Variants in CHEK2 observed in about 807,000 individuals in gnomAD.
The protein encoded by CHEK2 is serine/threonine-protein kinase Chk2.
CHEK2 carries 71 observed loss-of-function variants against 69.1 expected under a neutral mutation model. The observed-to-expected ratio is 1.03, with a 90% confidence interval of 0.85 to 1.25. CHEK2 has a LOEUF of 1.25. CHEK2 is among the 50% of genes most tolerant of loss of function. The pLI, the probability that CHEK2 is intolerant of heterozygous loss-of-function variation, is 0.00. For missense variants in CHEK2, 664 were observed against 649.6 expected, an observed-to-expected ratio of 1.02 and a Z score of -0.24; for synonymous variants, 189 against 226.9, an observed-to-expected ratio of 0.83 and a Z score of 1.50.
chr22:28,741,196 T>C (rs999501396), intron 1 of CHEK2, among the ~76,000 whole-genome samples: 1 of 150,590 alleles, frequency 6.6e-6, no homozygotes, highest in African/African-American at 2.4e-5. Context: ...ATCATATATG[T>C]ATACTTTATA....
At position 28,687,938 on chromosome 22, in the gene CHEK2, C is replaced by T. The variant is rs587781710; in HGVS notation, c.1591G>A (p.Glu531Lys). The T allele has an allele frequency of 1.0e-5, 16 of 1,596,264 alleles. No individual in the cohort carries two copies. The highest frequency in any genetic ancestry group is 5.5e-5 in the South Asian group (5 of 90,992). ...CACACAGCTGGGCGCTTTGTGGTCT[C>T]GGCACCCTCGGCTTCCCCTTCACGG... Reference protein sequence around the residue: ...RPREGEAEGAETTKRPAVCAA... With the variant: ...RPREGEAEGAKTTKRPAVCAA... The change falls in exon 15 of 15, where the codon GAG becomes AAG. Residue 531 changes from glutamate (E) to lysine (K), a missense_variant. Physicochemically the swap from Glu to Lys is moderately conservative, Grantham distance 56 (BLOSUM62 1). Coordinates refer to ENST00000404276, the MANE Select transcript of CHEK2 (RefSeq NM_007194.4).
At chr22:28,725,398 G>A (rs771849178) in intron 2 of CHEK2, 31 bp from the exon 3 acceptor site, 1 of 1,613,782 alleles carries the variant, frequency 6.2e-7, no homozygotes, top group East Asian at 2.2e-5. Context: ...TCAGAGGGCT[G>A]TTGAATTTCA....
At chr22:28,696,292 G>C (rs1385585259) in intron 10 of CHEK2, among the ~76,000 whole-genome samples, 2 of 152,086 alleles carry the variant, frequency 1.3e-5, no homozygotes, top group Non-Finnish European at 2.9e-5. Context: ...GTAAAGCCTG[G>C]GTGTCATAAA....
rs545142849 is a variant in CHEK2 at position 28,708,782 on chromosome 22, T to C, written c.846+1224A>G. ...ATAGAGACCATCCTGGCTAACATGG[T>C]GAAACCCCCTCTCTACTAAAAATAC... On this transcript the variant is annotated intron_variant, in intron 7 of 14. Coordinates refer to ENST00000404276, the MANE Select transcript of CHEK2 (RefSeq NM_007194.4). 1.2e-3 allele frequency: 257 copies of C among 205,742 alleles called. 1 individual carries two copies. The highest frequency in any genetic ancestry group is 2.1e-3 in the Non-Finnish European group (205 of 99,672). The allele number at this position is 205,742 out of a possible 1,614,324, so 12.7% of individuals were successfully genotyped here.
intron 8 of CHEK2, among the ~76,000 whole-genome samples, chr22:28,701,776 A>C (rs2052859723): frequency 1.3e-5 from 2 of 152,146 alleles, no homozygotes; most frequent in South Asian, 4.1e-4. Context: ...TCCTGGATTG[A>C]AAGGACCCGC....
At chr22:28,738,511 T>A (rs2054477381) in intron 1 of CHEK2, among the ~76,000 whole-genome samples, 1 of 152,122 alleles carries the variant, frequency 6.6e-6, no homozygotes, top group African/African-American at 2.4e-5. Context: ...AGACAGACCA[T>A]GAGGATTAAG....
intron 12 of CHEK2, among the ~76,000 whole-genome samples, chr22:28,694,662 C>T (rs1013417946): frequency 1.3e-5 from 2 of 152,222 alleles, no homozygotes; most frequent in Admixed American, 6.5e-5. Flanking sequence ...TTTCTACTTT[C>T]TCTTCAGGGA....
chr22:28,713,681 CTT>C (rs2053488948), intron 5 of CHEK2, among the ~76,000 whole-genome samples: 1 of 145,558 alleles, frequency 6.9e-6, no homozygotes, highest in African/African-American at 2.6e-5. Context: ...TGTCTGAACA[CTT>C]GTTTGCTTTT....
At chr22:28,734,867 A>C in intron 1 of CHEK2, 140 bp from the exon 2 acceptor site, 2 of 706,838 alleles carry the variant, frequency 2.8e-6, no homozygotes, top group East Asian at 2.7e-5. Flanking sequence ...CAAAAATTAA[A>C]AGTCCTAACA....
intron 7 of CHEK2, among the ~76,000 whole-genome samples, chr22:28,708,218 T>C (rs932122363): frequency 9.9e-5 from 15 of 151,970 alleles, no homozygotes; most frequent in Non-Finnish European, 2.1e-4. Flanking sequence ...CAGCAGGGTA[T>C]GGTGTGGCAC....
chr22:28,697,658 C>T (rs2052646267), intron 9 of CHEK2, among the ~76,000 whole-genome samples: 1 of 151,982 alleles, frequency 6.6e-6, no homozygotes, highest in South Asian at 2.1e-4. Flanking sequence ...CAGCCTCAAC[C>T]TCCTCAGCTC....
chr22:28,728,005 A>G (rs4822984), intron 2 of CHEK2: 148,111 of 152,352 alleles, frequency 0.97, 72,133 homozygotes, highest in Middle Eastern at 1. Context: ...GATGGCTCAC[A>G]CCTGTAATCC....
At position 28,731,138 on chromosome 22, in the gene CHEK2, G is replaced by A. The variant is rs112786167; in HGVS notation, c.319+3265C>T. Among the ~76,000 whole-genome samples the A allele has an allele frequency of 3.2e-4, 48 of 152,078 alleles. 1 individual carries two copies. Among genetic ancestry groups the A allele is most frequent in the African/African-American group, 1.1e-3 (45 of 41,502 alleles). On this transcript the variant is annotated intron_variant, in intron 2 of 14. Transcript: ENST00000404276. ...GAATTGCTTGAGCCTGGGAGGCAGAGGCTGAAGTGAGCTGAGATTGTGCCA... is the reference window on the plus strand; with the variant it reads ...GAATTGCTTGAGCCTGGGAGGCAGAAGCTGAAGTGAGCTGAGATTGTGCCA...
chr22:28,739,945 G>C (rs560874618), intron 1 of CHEK2, among the ~76,000 whole-genome samples: 1 of 152,304 alleles, frequency 6.6e-6, no homozygotes, highest in Non-Finnish European at 1.5e-5. Flanking sequence ...GCTCACGCCT[G>C]TAATCTCAGC....
chr22:28,737,104 A>G (rs1383268643), intron 1 of CHEK2, among the ~76,000 whole-genome samples: 1 of 152,166 alleles, frequency 6.6e-6, no homozygotes, highest in Non-Finnish European at 1.5e-5. Context: ...GAACATAGGA[A>G]ACAACACTAT....
chr22:28,736,376 C>T (rs17882867), intron 1 of CHEK2, among the ~76,000 whole-genome samples: 1 of 152,176 alleles, frequency 6.6e-6, no homozygotes, highest in Admixed American at 6.5e-5. Context: ...CCCAGGCTTG[C>T]TCCTAAAGTG....
Position 28,725,062 on chromosome 22 carries a change from A to C in CHEK2, c.507T>G (p.Phe169Leu), listed in dbSNP as rs876659233. 3.1e-6 allele frequency: 5 copies of C among 1,614,032 alleles called. No individual in the cohort carries two copies. The highest frequency in any genetic ancestry group is 4.2e-6 in the Non-Finnish European group (5 of 1,180,012). Residue 169 changes from phenylalanine to leucine, a missense_variant, in exon 4 of 15, where the codon TTT becomes TTG. Physicochemically the swap from Phe to Leu is conservative, Grantham distance 22 (BLOSUM62 0). Transcript: ENST00000404276. Reference protein sequence around the residue: ...YIEDHSGNGTFVNTELVGKGK... With the variant: ...YIEDHSGNGTLVNTELVGKGK... The stretch of plus-strand genomic sequence containing the variant: ...CTTTCCCTACAAGCTCTGTATTTAC[A>C]AAGGTTCCATTGCCACTGTGATCTT...
At chr22:28,720,009 A>G (rs543932280) in intron 4 of CHEK2, among the ~76,000 whole-genome samples, 4 of 152,186 alleles carry the variant, frequency 2.6e-5, no homozygotes, top group South Asian at 4.1e-4. Flanking sequence ...CATATTCAAC[A>G]TATTTGTAAA....
rs1601721712 is a variant in CHEK2, at chr22:28,695,713, A to G, written c.1256T>C (p.Ile419Thr). Reference sequence around the variant, plus strand: ...CAGCAATGAAAATATTTCTTACCAGATAAAAAGAATAACTCCTAAACTCCA... The same window carrying G: ...CAGCAATGAAAATATTTCTTACCAGGTAAAAAGAATAACTCCTAAACTCCA... ...DCWSLGVILF[I>T]CLSGYPPFSE... The change falls in exon 11 of 15, where the codon ATC (isoleucine) becomes ACC (threonine). Residue 419 changes from isoleucine (I) to threonine (T), a missense_variant. By Grantham distance (89) the Ile-to-Thr change is moderately conservative. Coordinates refer to ENST00000404276, the MANE Select transcript of CHEK2 (RefSeq NM_007194.4). 6.2e-7 allele frequency: 1 copy of G among 1,613,164 alleles called. No homozygotes were observed.
Sources: gnomAD v4.1 joint callset for allele counts (sites outside exome capture counted in the v4.1 genomes callset) on GRCh38, gnomAD v4.1.1 for gene constraint, MANE v1.5 for transcripts, NCBI Gene and HGNC (gene_info 2026-07-23, HGNC 2026-07-21) for gene names.